The following CCSER2 variants were observed in gnomAD, a reference collection of about 807,000 sequenced individuals.
The protein encoded by CCSER2 is serine-rich coiled-coil domain-containing protein 2.
Under a neutral mutation model 92.3 loss-of-function variants are expected in CCSER2, and 46 were observed. The ratio of observed to expected loss-of-function variants is 0.50; its 90% CI spans 0.39 to 0.64. The LOEUF (loss-of-function observed/expected upper bound fraction) is 0.64. Among genes scored for constraint, CCSER2 ranks in the 30% least tolerant of loss-of-function variants. The pLI is 0.00. For synonymous variants in CCSER2, 433 were observed against 431.4 expected (o/e 1.00, Z -0.04); for missense variants, 1,244 against 1,238.9 (o/e 1.00, Z -0.06).
intron 1 of CCSER2, among the ~76,000 whole-genome samples, chr10:84,357,828 A>G (rs1446929692): frequency 6.6e-6 from 1 of 152,230 alleles, no homozygotes; most frequent in African/African-American, 2.4e-5. Flanking sequence ...TGTCTGTGAC[A>G]ACTGTATCCA....
intron 3 of CCSER2, chr10:84,391,399 G>A (rs908847323): frequency 6.7e-7 from 1 of 1,492,142 alleles, no homozygotes; most frequent in African/African-American, 1.4e-5. Flanking sequence ...TGCATCAGTG[G>A]ATGCAGGATA....
chr10:84,480,874 G>C (rs1847417855), intron 9 of CCSER2, among the ~76,000 whole-genome samples: 1 of 152,120 alleles, frequency 6.6e-6, no homozygotes, highest in South Asian at 2.1e-4. Context: ...TGGTGATGGT[G>C]GTTGCTATTA....
chr10:84,392,316 C>CAAAAA (rs71473611), intron 3 of CCSER2, among the ~76,000 whole-genome samples: 33 of 53,854 alleles, frequency 6.1e-4, no homozygotes, highest in Non-Finnish European at 7.1e-4. Context: ...TCTGAAGAAG[C>CAAAAA]AAAAAAAAAA....
intron 6 of CCSER2, among the ~76,000 whole-genome samples, chr10:84,457,922 T>C (rs1845872752): frequency 6.6e-6 from 1 of 151,420 alleles, no homozygotes; most frequent in African/African-American, 2.4e-5. Flanking sequence ...TTTGTATTTT[T>C]TTCCGTAGAG....
At chr10:84,429,573 C>T (rs1489923691) in intron 5 of CCSER2, among the ~76,000 whole-genome samples, 1 of 151,956 alleles carries the variant, frequency 6.6e-6, no homozygotes, top group African/African-American at 2.4e-5. Context: ...TGTTACTGAG[C>T]GTGTCTTCCA....
chr10:84,458,766 TAC>T (rs1845924876), intron 6 of CCSER2, among the ~76,000 whole-genome samples: 2 of 152,152 alleles, frequency 1.3e-5, no homozygotes, highest in African/African-American at 4.8e-5. Flanking sequence ...TATATGTATA[TAC>T]ATATATGTGA....
intron 9 of CCSER2, among the ~76,000 whole-genome samples, chr10:84,484,105 C>G (rs1175327425): frequency 6.6e-6 from 1 of 150,436 alleles, no homozygotes; most frequent in African/African-American, 2.4e-5. Context: ...TCCCAAGTAG[C>G]TGGGACTACA....
intron 3 of CCSER2, chr10:84,392,141 G>T (rs1175750016): frequency 3.3e-6 from 2 of 606,808 alleles, no homozygotes; most frequent in Non-Finnish European, 5.9e-6. Flanking sequence ...TACCCTTTAC[G>T]GGGGGAAGGG....
rs1438744657 is a variant in CCSER2, at chr10:84,502,856, G to A, written c.2326-10593G>A. Among the ~76,000 whole-genome samples, 3 of 152,206 alleles carry A rather than the reference G, an allele frequency of 2.0e-5. No individual in the cohort carries two copies. The East Asian group carries it at 5.8e-4, about 29-fold the overall frequency. ...AAATATGCAGAGTGAGATAATTAAT[G>A]TTTACAGGGAGTATTTAGCCCTCGT... On this transcript the variant is annotated intron_variant, in intron 9 of 9. Coordinates refer to ENST00000372088, the MANE Select transcript of CCSER2 (RefSeq NM_001284240.2).
intron 5 of CCSER2, among the ~76,000 whole-genome samples, chr10:84,429,605 GCCA>G (rs1163359180): frequency 8.8e-6 from 1 of 113,316 alleles, no homozygotes; most frequent in African/African-American, 3.5e-5. Flanking sequence ...CCCCCGCCCT[GCCA>G]CCACCACCCC....
intron 9 of CCSER2, among the ~76,000 whole-genome samples, chr10:84,508,384 A>G (rs1223358211): frequency 1.3e-5 from 2 of 152,184 alleles, no homozygotes; most frequent in African/African-American, 2.4e-5. Flanking sequence ...ATTTGCAACA[A>G]TTCCATGAAG....
intron 1 of CCSER2, among the ~76,000 whole-genome samples, chr10:84,336,372 A>T (rs1351762657): frequency 6.6e-6 from 1 of 152,232 alleles, no homozygotes; most frequent in Admixed American, 6.5e-5. Flanking sequence ...GTAATATGTC[A>T]TCTATTACAT....
intron 7 of CCSER2, among the ~76,000 whole-genome samples, chr10:84,466,878 A>G (rs904105664): frequency 6.6e-6 from 1 of 152,070 alleles, no homozygotes; most frequent in African/African-American, 2.4e-5. Context: ...GTTACAGGGG[A>G]AAAGTGTCCA....
At chr10:84,349,257 C>A (rs1338168541) in intron 1 of CCSER2, among the ~76,000 whole-genome samples, 3 of 152,218 alleles carry the variant, frequency 2.0e-5, no homozygotes, top group African/African-American at 7.2e-5. Context: ...AAAATGACAG[C>A]ACAATCCCAT....
At position 84,513,585 on chromosome 10, in the gene CCSER2, A is replaced by C; in HGVS notation, c.2462A>C (p.Glu821Ala). 3 of 1,613,908 alleles carry C rather than the reference A, an allele frequency of 1.9e-6. No individual in the cohort carries two copies. The highest frequency in any genetic ancestry group is 2.5e-6 in the Non-Finnish European group (3 of 1,179,986). ...QDMHQGGAHP[E>A]ESFTHVLHQE... ...ATGCATCAGGGCGGTGCACATCCGG[A>C]AGAAAGCTTTACACACGTCTTGCAC... is the stretch of plus-strand genomic sequence containing the variant. Residue 821 changes from glutamate (E) to alanine (A), a missense_variant, in exon 10 of 10, where the codon GAA becomes GCA. Transcript: ENST00000372088.
chr10:84,513,820 G>A lies in CCSER2; in HGVS notation c.2697G>A (p.Gln899=). Reference sequence around the variant, plus strand: ...CTCCCGAGTCAAGTACAGTAGACCAGGCTAAGAGAGTTGGAAGAAATCAGT... The same window carrying A: ...CTCCCGAGTCAAGTACAGTAGACCAAGCTAAGAGAGTTGGAAGAAATCAGT... ...QTPPESSTVD[Q]AKRVGRNQSP... Residue 899 remains glutamine (Q), a synonymous_variant, in exon 10 of 10, where the codon CAG becomes CAA. Transcript: ENST00000372088. 1.3e-6 allele frequency: 2 copies of A among 1,536,272 alleles called. No homozygotes were observed. Among genetic ancestry groups the A allele is most frequent in the Non-Finnish European group, 1.7e-6 (2 of 1,146,942 alleles).
chr10:84,499,580 G>A (rs1848616525), intron 9 of CCSER2, among the ~76,000 whole-genome samples: 1 of 151,956 alleles, frequency 6.6e-6, no homozygotes, highest in Admixed American at 6.6e-5. Context: ...ACTTTAACAA[G>A]AGATATATGA....
chr10:84,475,471 CAT>C (rs1847083979), intron 8 of CCSER2, among the ~76,000 whole-genome samples: 1 of 152,042 alleles, frequency 6.6e-6, no homozygotes, highest in Non-Finnish European at 1.5e-5. Flanking sequence ...GAAAATAAAT[CAT>C]AGACAGTCTG....
At chr10:84,337,654 T>C (rs969370603) in intron 1 of CCSER2, among the ~76,000 whole-genome samples, 1 of 152,238 alleles carries the variant, frequency 6.6e-6, no homozygotes. Context: ...TGGATGCTCT[T>C]CTTTTTTTGT....
Sources: gnomAD v4.1 joint callset for allele counts (sites outside exome capture counted in the v4.1 genomes callset) on GRCh38, gnomAD v4.1.1 for gene constraint, MANE v1.5 for transcripts, NCBI Gene and HGNC (gene_info 2026-07-23, HGNC 2026-07-21) for gene names.